The following DLGAP4 variants were observed in gnomAD, a reference collection of about 807,000 sequenced individuals.
DLGAP4 encodes the protein DLG associated protein 4.
DLGAP4 carries 18 observed loss-of-function variants against 86.9 expected under a neutral mutation model. That is an observed-to-expected ratio of 0.21 (90% CI 0.14 to 0.31). The LOEUF (loss-of-function observed/expected upper bound fraction) is 0.31. DLGAP4 is among the 10% of genes least tolerant of loss of function. DLGAP4 has a pLI of 1.00. For synonymous variants in DLGAP4, 548 were observed against 574.3 expected, an observed-to-expected ratio of 0.95 and a Z score of 0.65; for missense variants, 1,085 against 1,362.6, an observed-to-expected ratio of 0.80 and a Z score of 3.21.
chr20:36,326,377 CTG>C (rs1555891005), intron 1 of DLGAP4, among the ~76,000 whole-genome samples: 1 of 152,130 alleles, frequency 6.6e-6, no homozygotes, highest in Non-Finnish European at 1.5e-5. Flanking sequence ...ATAGCCATAA[CTG>C]TTTTATTTTA....
chr20:36,319,486 G>A (rs1017520921), intron 1 of DLGAP4, among the ~76,000 whole-genome samples: 2 of 152,156 alleles, frequency 1.3e-5, no homozygotes, highest in Admixed American at 6.5e-5. Context: ...CACACCCCCC[G>A]GAACCTTCTG....
chr20:36,505,106 G>A (rs1334772865), intron 10 of DLGAP4, among the ~76,000 whole-genome samples: 1 of 151,926 alleles, frequency 6.6e-6, no homozygotes, highest in African/African-American at 2.4e-5. Context: ...TCCTGCCTCA[G>A]CCTCCTGAGT....
intron 2 of DLGAP4, among the ~76,000 whole-genome samples, chr20:36,375,163 C>T (rs984914780): frequency 4.6e-5 from 7 of 152,338 alleles, no homozygotes; most frequent in Admixed American, 1.3e-4. Flanking sequence ...GCCTCTCCCC[C>T]GCCTGTCCCT....
chr20:36,383,234 A>C (rs896473395), intron 2 of DLGAP4, among the ~76,000 whole-genome samples: 1 of 152,170 alleles, frequency 6.6e-6, no homozygotes, highest in Non-Finnish European at 1.5e-5. Flanking sequence ...TTACTTTGAG[A>C]CCATGTGGGC....
rs147217229 is a variant in DLGAP4, at chr20:36,388,432, G to A, written c.-73+21157G>A. Among the ~76,000 whole-genome samples, 258 of 152,160 alleles carry A rather than the reference G, an allele frequency of 1.7e-3. 1 individual carries two copies. Among genetic ancestry groups the A allele is most frequent in the African/African-American group, 5.9e-3 (244 of 41,520 alleles). On this transcript the variant is annotated intron_variant, in intron 2 of 12. Transcript: ENST00000339266. ...AGCTCCTGGAGCCCCCAGAACACACGTCCCTCCCCCGTGGCCCACCCTTCA... is the reference window on the plus strand; with the variant it reads ...AGCTCCTGGAGCCCCCAGAACACACATCCCTCCCCCGTGGCCCACCCTTCA...
At chr20:36,334,608 G>T (rs1314622760) in intron 1 of DLGAP4, among the ~76,000 whole-genome samples, 6 of 152,178 alleles carry the variant, frequency 3.9e-5, no homozygotes, top group African/African-American at 1.4e-4. Flanking sequence ...CGGGACAGGG[G>T]CTGGGGAGGT....
chr20:36,488,938 C>T (rs1422162700), intron 7 of DLGAP4, among the ~76,000 whole-genome samples: 2 of 152,228 alleles, frequency 1.3e-5, no homozygotes, highest in African/African-American at 2.4e-5. Context: ...AGCACTATGA[C>T]TCATGCATGG....
chr20:36,429,581 T>A (rs1487652332), intron 2 of DLGAP4, among the ~76,000 whole-genome samples: 2 of 150,960 alleles, frequency 1.3e-5, no homozygotes, highest in East Asian at 3.9e-4. Flanking sequence ...TAATTTTTTG[T>A]TTTTTGGTAG....
intron 2 of DLGAP4, among the ~76,000 whole-genome samples, chr20:36,428,172 T>C (rs2033032415): frequency 6.6e-6 from 1 of 152,142 alleles, no homozygotes; most frequent in East Asian, 1.9e-4. Flanking sequence ...GGGAGGCACC[T>C]TGCAAGAGGA....
At chr20:36,474,110 A>G (rs1212570886) in intron 7 of DLGAP4, among the ~76,000 whole-genome samples, 2 of 152,274 alleles carry the variant, frequency 1.3e-5, no homozygotes, top group East Asian at 1.9e-4. Context: ...CAGAGGAAGC[A>G]TTTGAGAAGT....
intron 7 of DLGAP4, among the ~76,000 whole-genome samples, chr20:36,488,467 C>T (rs1282305565): frequency 2.6e-5 from 4 of 152,142 alleles, no homozygotes; most frequent in Admixed American, 2.6e-4. Flanking sequence ...ATAGTGAATG[C>T]TAAACCATTG....
At chr20:36,406,699 G>A (rs2032333830) in intron 2 of DLGAP4, among the ~76,000 whole-genome samples, 1 of 152,178 alleles carries the variant, frequency 6.6e-6, no homozygotes, top group African/African-American at 2.4e-5. Context: ...TAACTGCAAA[G>A]TACTGTGCGC....
chr20:36,519,032 G>A (rs565795134), intron 10 of DLGAP4, among the ~76,000 whole-genome samples: 2 of 151,742 alleles, frequency 1.3e-5, no homozygotes, highest in Non-Finnish European at 2.9e-5. Context: ...CAGGAGAATC[G>A]CTTGAACCCG....
chr20:36,375,453 C>T (rs971204326), intron 2 of DLGAP4, among the ~76,000 whole-genome samples: 1 of 152,192 alleles, frequency 6.6e-6, no homozygotes, highest in East Asian at 1.9e-4. Context: ...CCACACTCCA[C>T]AGACATTTAT....
intron 10 of DLGAP4, among the ~76,000 whole-genome samples, chr20:36,511,893 G>T (rs1181560976): frequency 6.8e-6 from 1 of 147,154 alleles, no homozygotes; most frequent in African/African-American, 2.6e-5. Flanking sequence ...AAAAAAAAAT[G>T]CATAGTCTAA....
intron 3 of DLGAP4, among the ~76,000 whole-genome samples, chr20:36,433,721 G>A (rs548958212): frequency 2.6e-5 from 4 of 151,904 alleles, no homozygotes; most frequent in South Asian, 2.1e-4. Flanking sequence ...GCGCGATCTC[G>A]GCTCACTGCA....
intron 2 of DLGAP4, among the ~76,000 whole-genome samples, chr20:36,409,152 C>T (rs1807082706): frequency 6.7e-6 from 1 of 150,348 alleles, no homozygotes; most frequent in African/African-American, 2.4e-5. Flanking sequence ...TCTCATGCCT[C>T]AGTCTTCCAA....
At chr20:36,373,118 G>A (rs2031009412) in intron 2 of DLGAP4, among the ~76,000 whole-genome samples, 1 of 152,230 alleles carries the variant, frequency 6.6e-6, no homozygotes, top group East Asian at 1.9e-4. Context: ...AGATATAGGT[G>A]AGCTCTATTT....
chr20:36,461,044 C>T (rs1480418999), intron 7 of DLGAP4, among the ~76,000 whole-genome samples: 1 of 152,220 alleles, frequency 6.6e-6, no homozygotes, highest in Non-Finnish European at 1.5e-5. Context: ...AGAGGGCCAC[C>T]TCGGGCAGCT....
Sources: allele counts gnomAD v4.1 joint callset (sites outside exome capture counted in the v4.1 genomes callset), GRCh38; gene constraint gnomAD v4.1.1; transcripts MANE v1.5; gene names NCBI Gene and HGNC (gene_info 2026-07-23, HGNC 2026-07-21).